Variants in PHACTR1 observed in about 807,000 individuals in gnomAD.
PHACTR1 encodes the protein RPEL repeat containing 1.
PHACTR1 carries 16 observed loss-of-function variants against 69.2 expected under a neutral mutation model. The observed-to-expected ratio is 0.23, with a 90% CI of 0.16 to 0.35. The LOEUF is 0.35. PHACTR1 is among the 10% of genes least tolerant of loss of function. The pLI, the probability that PHACTR1 is intolerant of heterozygous loss-of-function variation, is 1.00. For missense variants in PHACTR1, 510 were observed against 734.7 expected, an observed-to-expected ratio of 0.69 and a Z score of 3.54; for synonymous variants, 312 against 284.5, an observed-to-expected ratio of 1.10 and a Z score of -0.97.
intron 13 of PHACTR1, among the ~76,000 whole-genome samples, chr6:13,284,529 AAAAAAAAAAAAAAAAT>A (rs1781068733): frequency 9.6e-6 from 1 of 104,182 alleles, no homozygotes; most frequent in African/African-American, 5.2e-5. Flanking sequence ...AAAAAAAAAA[AAAAAAAAAAAAAAAAT>A]ATATATATAT....
intron 4 of PHACTR1, among the ~76,000 whole-genome samples, chr6:12,862,963 C>G (rs566858891): frequency 2.0e-5 from 3 of 152,356 alleles, no homozygotes; most frequent in African/African-American, 7.2e-5. Flanking sequence ...AGAGCTACCC[C>G]TTACCACCTG....
chr6:12,890,135 T>A (rs1179149784), intron 4 of PHACTR1, among the ~76,000 whole-genome samples: 1 of 152,178 alleles, frequency 6.6e-6, no homozygotes, highest in East Asian at 1.9e-4. Context: ...CATAGGAACG[T>A]GAACCCTATT....
chr6:12,906,351 C>T (rs1408206457), intron 4 of PHACTR1, among the ~76,000 whole-genome samples: 1 of 152,152 alleles, frequency 6.6e-6, no homozygotes, highest in Non-Finnish European at 1.5e-5. Context: ...AGCTAGAGTG[C>T]TCAAGGGGTC....
At chr6:13,092,087 C>T (rs910443082) in intron 5 of PHACTR1, among the ~76,000 whole-genome samples, 4 of 152,168 alleles carry the variant, frequency 2.6e-5, no homozygotes, top group African/African-American at 7.2e-5. Flanking sequence ...CATGAGCCAC[C>T]GCACCCAGCT....
Position 13,000,507 on chromosome 6 carries a change from C to T in PHACTR1, c.251-52858C>T, listed in dbSNP as rs185414715. Among the ~76,000 whole-genome samples, 534 of 151,780 alleles carry T rather than the reference C, an allele frequency of 3.5e-3. 2 individuals are homozygous for T. The highest frequency in any genetic ancestry group is 0.012 in the African/African-American group (512 of 41,336). On this transcript the variant is annotated intron_variant, in intron 4 of 14. Transcript: ENST00000332995. ...AGGCTGCAGTGAGACATGATTGCAC[C>T]ACTGCACTCCAGCCTCAGCGACAGA... is the stretch of plus-strand genomic sequence containing the variant.
chr6:12,980,448 G>A (rs544751438), intron 4 of PHACTR1, among the ~76,000 whole-genome samples: 2 of 152,186 alleles, frequency 1.3e-5, no homozygotes, highest in South Asian at 4.2e-4. Context: ...CCATACAAGT[G>A]ATATTATATG....
intron 7 of PHACTR1, among the ~76,000 whole-genome samples, chr6:13,185,340 AAAG>A (rs1330175639): frequency 1.3e-5 from 2 of 152,242 alleles, no homozygotes; most frequent in African/African-American, 4.8e-5. Flanking sequence ...TTGCAAAGAT[AAAG>A]AATAGTGCCT....
intron 4 of PHACTR1, among the ~76,000 whole-genome samples, chr6:12,810,286 A>G (rs1774873962): frequency 6.6e-6 from 1 of 152,212 alleles, no homozygotes; most frequent in South Asian, 2.1e-4. Context: ...GCTTCATGCC[A>G]AAGTATTCTT....
chr6:12,796,947 C>A (rs895688839), intron 4 of PHACTR1, among the ~76,000 whole-genome samples: 4 of 151,734 alleles, frequency 2.6e-5, no homozygotes, highest in African/African-American at 9.7e-5. Context: ...CTCAAGGACA[C>A]AAAGTTTGTC....
intron 5 of PHACTR1, among the ~76,000 whole-genome samples, chr6:13,117,738 T>C (rs1311358038): frequency 6.6e-6 from 1 of 152,208 alleles, no homozygotes; most frequent in Non-Finnish European, 1.5e-5. Context: ...ACAGATCACA[T>C]GACTTTCTCT....
chr6:13,286,289 C>T, intron 14 of PHACTR1, 67 bp downstream of exon 14: 2 of 1,322,974 alleles, frequency 1.5e-6, no homozygotes, highest in South Asian at 2.9e-5. Flanking sequence ...CCAAATAAAG[C>T]TCTCCCACTT....
At chr6:13,042,421 G>T (rs1318671043) in intron 4 of PHACTR1, among the ~76,000 whole-genome samples, 2 of 152,176 alleles carry the variant, frequency 1.3e-5, no homozygotes, top group Admixed American at 1.3e-4. Context: ...AAGGGAGTAG[G>T]ATCCTAGGGT....
At chr6:12,843,317 C>T (rs1778884115) in intron 4 of PHACTR1, among the ~76,000 whole-genome samples, 1 of 152,082 alleles carries the variant, frequency 6.6e-6, no homozygotes, top group African/African-American at 2.4e-5. Flanking sequence ...TCATTGTTTC[C>T]CATTTCAGTG....
Position 12,983,701 on chromosome 6 carries a change from G to A in PHACTR1, c.251-69664G>A, listed in dbSNP as rs80135651. ...CCCAATGCTACCCCTCCCCACTCCCGCCACCCCACGACAGACCCTGATGTG... is the reference window on the plus strand; with the variant it reads ...CCCAATGCTACCCCTCCCCACTCCCACCACCCCACGACAGACCCTGATGTG... On this transcript the variant is annotated intron_variant, in intron 4 of 14. Transcript: ENST00000332995. Among the ~76,000 whole-genome samples the A allele has an allele frequency of 1.9e-3, 288 of 151,910 alleles. 1 individual carries two copies. Among genetic ancestry groups the A allele is most frequent in the Middle Eastern group, 0.017 (5 of 294 alleles).
intron 4 of PHACTR1, among the ~76,000 whole-genome samples, chr6:12,785,204 C>T (rs956035674): frequency 4.6e-5 from 7 of 152,048 alleles, no homozygotes; most frequent in African/African-American, 1.7e-4. Flanking sequence ...GTGAAAAATG[C>T]AATTCATCAG....
intron 4 of PHACTR1, among the ~76,000 whole-genome samples, chr6:12,831,367 C>T (rs993272978): frequency 1.3e-5 from 2 of 152,248 alleles, no homozygotes; most frequent in Admixed American, 6.5e-5. Flanking sequence ...GACAAGAACC[C>T]GTCACTCAGG....
intron 4 of PHACTR1, among the ~76,000 whole-genome samples, chr6:12,768,349 C>T (rs571554107): frequency 1.3e-5 from 2 of 152,200 alleles, no homozygotes; most frequent in East Asian, 1.9e-4. Flanking sequence ...CTCCTGACCT[C>T]GTGATCCGCC....
intron 5 of PHACTR1, 83 bp from the exon 6 acceptor site, chr6:13,160,121 C>A (rs1344715758): frequency 4.3e-6 from 5 of 1,152,448 alleles, no homozygotes; most frequent in Non-Finnish European, 3.9e-6. Context: ...TGTTACATTG[C>A]CATATGTGTT....
At chr6:12,861,476 A>G (rs772268000) in intron 4 of PHACTR1, among the ~76,000 whole-genome samples, 3 of 152,222 alleles carry the variant, frequency 2.0e-5, no homozygotes, top group Admixed American at 6.5e-5. Context: ...GTAATGAAAT[A>G]TATGCTGAAT....
Sources: allele counts gnomAD v4.1 joint callset (sites outside exome capture counted in the v4.1 genomes callset), GRCh38; gene constraint gnomAD v4.1.1; transcripts MANE v1.5; gene names NCBI Gene and HGNC (gene_info 2026-07-23, HGNC 2026-07-21).